KCNB2: variants seen among roughly 807,000 people sequenced by gnomAD.
KCNB2 encodes potassium voltage-gated channel subfamily B member 2, also known as delayed rectifier potassium channel protein.
A neutral mutation model predicts 61.5 loss-of-function variants in KCNB2; 15 were observed. That is an observed-to-expected ratio of 0.24 (90% confidence interval 0.16 to 0.38). The LOEUF (loss-of-function observed/expected upper bound fraction) is 0.38, where lower values mean the gene tolerates loss of function less well. Ranked by LOEUF, KCNB2 falls within the 10% of genes least tolerant of loss-of-function variation. The pLI is 1.00. For missense variants in KCNB2, 828 were observed against 1,125.2 expected, an observed-to-expected ratio of 0.74 and a Z score of 3.78; for synonymous variants, 457 against 446.0, an observed-to-expected ratio of 1.02 and a Z score of -0.31.
chr8:72,820,900 G>T (rs1261550261), intron 2 of KCNB2, among the ~76,000 whole-genome samples: 1 of 151,992 alleles, frequency 6.6e-6, no homozygotes, highest in African/African-American at 2.4e-5. Flanking sequence ...TTCCTTTGAG[G>T]ATTTCCTGCT....
rs554862354 is a variant in KCNB2, at chr8:72,568,049, C to G, written c.315C>G (p.Thr105=). Residue 105 remains threonine (T), a synonymous_variant, in exon 2 of 3, where the codon ACC becomes ACG. Transcript: ENST00000523207. ...AFTSILNFYR[T]GKLHMMEEMC... is the part of the protein sequence containing the mutation. ...CTTCCATTTTAAATTTCTACCGGAC[C>G]GGGAAACTCCATATGATGGAAGAAA... The G allele has an allele frequency of 8.1e-6, 13 of 1,613,908 alleles. No individual in the cohort carries two copies. The South Asian group carries it at 1.2e-4, about 15-fold the overall frequency.
chr8:72,543,431 CTT>C (rs1183746801), intron 1 of KCNB2, among the ~76,000 whole-genome samples: 1 of 152,096 alleles, frequency 6.6e-6, no homozygotes, highest in Non-Finnish European at 1.5e-5. Flanking sequence ...ATTGGTAACA[CTT>C]TTATATATTT....
intron 2 of KCNB2, among the ~76,000 whole-genome samples, chr8:72,858,395 T>A (rs995393276): frequency 1.5e-4 from 23 of 152,004 alleles, no homozygotes; most frequent in African/African-American, 1.9e-4. Context: ...TAACTTTTTT[T>A]AAAAAAAAGA....
At chr8:72,701,123 T>C (rs1306534227) in intron 2 of KCNB2, among the ~76,000 whole-genome samples, 1 of 152,120 alleles carries the variant, frequency 6.6e-6, no homozygotes, top group Non-Finnish European at 1.5e-5. Flanking sequence ...TGTTGGGTGC[T>C]ATGCTCATTA....
chr8:72,931,178 C>T (rs1351468641), intron 2 of KCNB2, among the ~76,000 whole-genome samples: 1 of 152,128 alleles, frequency 6.6e-6, no homozygotes. Context: ...GGTACCAGTA[C>T]CATGCTGTTT....
At position 72,714,764 on chromosome 8, in the gene KCNB2, A is replaced by C. The variant is rs575605861; in HGVS notation, c.579+146451A>C. On this transcript the variant is annotated intron_variant, in intron 2 of 2. Transcript: ENST00000523207. ...GAAACTGCATCAACTAACAAGCAAAATAACCAGCTAACATCATAATGACAG... is the reference window on the plus strand; with the variant it reads ...GAAACTGCATCAACTAACAAGCAAACTAACCAGCTAACATCATAATGACAG... Among the ~76,000 whole-genome samples, 5 of 152,330 alleles carry C rather than the reference A, an allele frequency of 3.3e-5. No homozygotes were observed. In the East Asian group the frequency reaches 5.8e-4, roughly 18 times the overall value.
intron 2 of KCNB2, among the ~76,000 whole-genome samples, chr8:72,766,619 G>A (rs1161995862): frequency 6.6e-6 from 1 of 152,144 alleles, no homozygotes; most frequent in East Asian, 1.9e-4. Flanking sequence ...AAAATTGTGT[G>A]TATGCTTATA....
chr8:72,775,724 T>A (rs1411673638), intron 2 of KCNB2, among the ~76,000 whole-genome samples: 1 of 145,724 alleles, frequency 6.9e-6, no homozygotes. Context: ...GAATGAGCTT[T>A]AAAAAAAAAA....
At chr8:72,791,235 T>A (rs933165468) in intron 2 of KCNB2, among the ~76,000 whole-genome samples, 1 of 152,028 alleles carries the variant, frequency 6.6e-6, no homozygotes, top group East Asian at 1.9e-4. Context: ...TGGCATCCTA[T>A]GGGGATGCCA....
At chr8:72,759,217 T>A (rs181886135) in intron 2 of KCNB2, among the ~76,000 whole-genome samples, 1 of 152,136 alleles carries the variant, frequency 6.6e-6, no homozygotes, top group African/African-American at 2.4e-5. Context: ...TAGAAAAAAA[T>A]TCGTTCTTGG....
rs770751254 is a variant in KCNB2 at position 72,937,552 on chromosome 8, A to G, written c.2197A>G (p.Thr733Ala). 1 of 1,613,998 alleles carries G rather than the reference A, an allele frequency of 6.2e-7. No homozygotes were observed. The highest frequency in any genetic ancestry group is 8.5e-7 in the Non-Finnish European group (1 of 1,179,980). Reference protein sequence around the residue: ...RGSAPQTPPSTARPLPVTTAD... With the variant: ...RGSAPQTPPSAARPLPVTTAD... The stretch of plus-strand genomic sequence containing the variant: ...CAGTGCACCACAGACCCCGCCCAGC[A>G]CAGCCAGGCCACTGCCAGTCACCAC... The change falls in exon 3 of 3, where the codon ACA becomes GCA. Residue 733 changes from threonine (T) to alanine (A), a missense_variant. This residue lies in a region of KCNB2 where 559 missense variants were observed against 588.4 expected (regional missense o/e 0.95). Transcript: ENST00000523207.
intron 1 of KCNB2, among the ~76,000 whole-genome samples, chr8:72,564,968 TA>T (rs1806601545): frequency 6.6e-6 from 1 of 152,192 alleles, no homozygotes; most frequent in East Asian, 1.9e-4. Flanking sequence ...GCATTTCACA[TA>T]AACAATCTCA....
intron 2 of KCNB2, among the ~76,000 whole-genome samples, chr8:72,687,169 A>C (rs1390170274): frequency 6.6e-6 from 1 of 152,228 alleles, no homozygotes; most frequent in Non-Finnish European, 1.5e-5. Flanking sequence ...ATGGTCTCTG[A>C]TAGCAACATA....
At position 72,882,667 on chromosome 8, in the gene KCNB2, C is replaced by A. The variant is rs115379172; in HGVS notation, c.580-53268C>A. Among the ~76,000 whole-genome samples the A allele has an allele frequency of 1.8e-3, 264 of 150,500 alleles. 1 individual carries two copies. Among genetic ancestry groups the A allele is most frequent in the African/African-American group, 6.1e-3 (250 of 40,848 alleles). Reference sequence around the variant, plus strand: ...GCTGGTGCTTTCTCTGCCAGAGAAACAAGATGATGGTCTGCTAGCAGAAAT... The same window carrying A: ...GCTGGTGCTTTCTCTGCCAGAGAAAAAAGATGATGGTCTGCTAGCAGAAAT... On this transcript the variant is annotated intron_variant, in intron 2 of 2. Transcript: ENST00000523207.
chr8:72,731,683 T>C (rs1807740174), intron 2 of KCNB2, among the ~76,000 whole-genome samples: 1 of 152,164 alleles, frequency 6.6e-6, no homozygotes, highest in African/African-American at 2.4e-5. Flanking sequence ...TCTCAGGCAA[T>C]GTGGAATGCT....
intron 2 of KCNB2, among the ~76,000 whole-genome samples, chr8:72,647,115 G>A (rs1418169675): frequency 6.6e-6 from 1 of 152,082 alleles, no homozygotes; most frequent in African/African-American, 2.4e-5. Flanking sequence ...CGTGCGTGAG[G>A]GGTTGGCAGG....
At chr8:72,553,556 C>G (rs1242021501) in intron 1 of KCNB2, among the ~76,000 whole-genome samples, 1 of 152,088 alleles carries the variant, frequency 6.6e-6, no homozygotes, top group Non-Finnish European at 1.5e-5. Flanking sequence ...TAAATATTAA[C>G]TTACTTTTGA....
intron 2 of KCNB2, among the ~76,000 whole-genome samples, chr8:72,884,547 T>C (rs2129005360): frequency 6.6e-6 from 1 of 152,340 alleles, no homozygotes; most frequent in South Asian, 2.1e-4. Context: ...GTCATAAATA[T>C]ATTTTCCTGC....
chr8:72,863,530 A>C (rs962630517), intron 2 of KCNB2, among the ~76,000 whole-genome samples: 1 of 152,240 alleles, frequency 6.6e-6, no homozygotes, highest in Admixed American at 6.5e-5. Flanking sequence ...CCCTATCAGC[A>C]GTGCTGTTTG....
Sources: allele counts gnomAD v4.1 joint callset (sites outside exome capture counted in the v4.1 genomes callset), GRCh38; gene constraint gnomAD v4.1.1; regional missense constraint gnomAD v4.1.1; transcripts MANE v1.5; gene names NCBI Gene and HGNC (gene_info 2026-07-23, HGNC 2026-07-21).